AUTS2: variants seen among roughly 807,000 people sequenced by gnomAD.
AUTS2 encodes autism susceptibility gene 2 protein.
In AUTS2, 17 loss-of-function variants were observed where a neutral mutation model predicts 112.4. That is an observed-to-expected ratio of 0.15 (90% CI 0.10 to 0.23). The LOEUF (loss-of-function observed/expected upper bound fraction) is 0.23, where lower values mean the gene tolerates loss of function less well. Ranked by LOEUF, AUTS2 falls within the 10% of genes least tolerant of loss-of-function variation. The pLI is 1.00. For synonymous variants in AUTS2, 751 were observed against 702.7 expected, an observed-to-expected ratio of 1.07 and a Z score of -1.09; for missense variants, 1,510 against 1,701.6, an observed-to-expected ratio of 0.89 and a Z score of 1.98.
rs1380452623 is a variant in AUTS2 at position 70,181,493 on chromosome 7, CT to C, written c.660+46933del. Among the ~76,000 whole-genome samples, 319 of 140,892 alleles carry C rather than the reference CT, an allele frequency of 2.3e-3. 1 individual carries two copies. The highest frequency in any genetic ancestry group is 6.8e-3 in the African/African-American group (262 of 38,422). The allele number at this position is 140,892 out of a possible 152,430, so 92.4% of individuals were successfully genotyped here. ...TCTGCTAAAGTTAACTTTTTTTTTT[CT>C]TTTTTTTTTTGAGATGGAGTTTTGC... On this transcript the variant is annotated intron_variant, in intron 4 of 18. Coordinates refer to ENST00000342771, the MANE Select transcript of AUTS2 (RefSeq NM_015570.4).
intron 2 of AUTS2, among the ~76,000 whole-genome samples, chr7:69,959,557 T>C (rs1373335346): frequency 6.6e-6 from 1 of 152,162 alleles, no homozygotes; most frequent in Non-Finnish European, 1.5e-5. Context: ...CGGACTTTGT[T>C]ATCACCTAGG....
At chr7:70,084,740 T>A (rs951289416) in intron 2 of AUTS2, among the ~76,000 whole-genome samples, 13 of 152,230 alleles carry the variant, frequency 8.5e-5, no homozygotes, top group African/African-American at 2.9e-4. Context: ...TTCTTGAGTG[T>A]CGAGTTCTTT....
At chr7:70,461,904 A>C (rs1334340158) in intron 5 of AUTS2, among the ~76,000 whole-genome samples, 1 of 152,140 alleles carries the variant, frequency 6.6e-6, no homozygotes, top group Non-Finnish European at 1.5e-5. Context: ...TATCTGTTTC[A>C]TTGGCCTTTC....
chr7:70,467,461 A>G (rs972519704), intron 5 of AUTS2, among the ~76,000 whole-genome samples: 1 of 152,222 alleles, frequency 6.6e-6, no homozygotes, highest in Non-Finnish European at 1.5e-5. Context: ...AGGCAGAGAA[A>G]GTAGTGTGTT....
chr7:69,993,774 T>C (rs1014791392), intron 2 of AUTS2, among the ~76,000 whole-genome samples: 26 of 151,944 alleles, frequency 1.7e-4, no homozygotes, highest in Non-Finnish European at 3.5e-4. Flanking sequence ...TCTCTCTCCC[T>C]CTCTCTCTCT....
At chr7:69,943,653 T>C (rs1796706607) in intron 2 of AUTS2, among the ~76,000 whole-genome samples, 1 of 152,224 alleles carries the variant, frequency 6.6e-6, no homozygotes, top group Non-Finnish European at 1.5e-5. Flanking sequence ...CTAACTTCAC[T>C]GAAAACATCT....
At chr7:69,980,106 TTTTG>T (rs898825841) in intron 2 of AUTS2, among the ~76,000 whole-genome samples, 13 of 152,120 alleles carry the variant, frequency 8.5e-5, no homozygotes, top group African/African-American at 2.9e-4. Flanking sequence ...TGTTTTGTGT[TTTTG>T]TTTGTTTGTT....
intron 2 of AUTS2, among the ~76,000 whole-genome samples, chr7:70,083,451 A>G (rs1803422577): frequency 6.6e-6 from 1 of 152,204 alleles, no homozygotes; most frequent in Admixed American, 6.5e-5. Context: ...CATATAGCAT[A>G]TACATTTAGT....
At chr7:70,253,967 A>G (rs1786728971) in intron 4 of AUTS2, among the ~76,000 whole-genome samples, 1 of 152,162 alleles carries the variant, frequency 6.6e-6, no homozygotes, top group Non-Finnish European at 1.5e-5. Context: ...CTTGAAGCCA[A>G]AGCTGAAGTT....
At chr7:70,573,106 C>CA (rs5884787) in intron 5 of AUTS2, among the ~76,000 whole-genome samples, 137,268 of 152,292 alleles carry the variant, frequency 0.9, 61,941 homozygotes, top group East Asian at 1. Flanking sequence ...CTGGTTTATT[C>CA]ATGGAAAACA....
chr7:69,939,457 G>A (rs2072136739), intron 2 of AUTS2, among the ~76,000 whole-genome samples: 1 of 152,110 alleles, frequency 6.6e-6, no homozygotes, highest in African/African-American at 2.4e-5. Context: ...TCTTGCTGCA[G>A]GAGCTGGGGT....
chr7:70,506,978 A>G (rs1269807229), intron 5 of AUTS2, among the ~76,000 whole-genome samples: 1 of 152,224 alleles, frequency 6.6e-6, no homozygotes, highest in Non-Finnish European at 1.5e-5. Context: ...CAGAGAGCTC[A>G]GAATCTGGGG....
chr7:70,661,790 C>T (rs996432158), intron 5 of AUTS2, among the ~76,000 whole-genome samples: 12 of 152,056 alleles, frequency 7.9e-5, no homozygotes, highest in African/African-American at 2.9e-4. Context: ...GTTGCACGAG[C>T]AGGGCCTCTG....
intron 4 of AUTS2, among the ~76,000 whole-genome samples, chr7:70,424,613 GTC>G (rs1248525154): frequency 6.6e-6 from 1 of 152,004 alleles, no homozygotes; most frequent in Non-Finnish European, 1.5e-5. Flanking sequence ...TTTGGACAGG[GTC>G]TCTCTCTGTC....
In AUTS2 at chr7:70,792,008, C is replaced by CT. The variant is rs1235647857; in HGVS notation, c.*1013dup. On this transcript the variant is annotated 3_prime_UTR_variant, in exon 19 of 19. Coordinates refer to ENST00000342771, the MANE Select transcript of AUTS2 (RefSeq NM_015570.4). Reference sequence around the variant, plus strand: ...TTTTTTAGTGTGTCCTATTTCATACCTGTACACACTTCCTCGTTTTGTAAT... The same window carrying CT: ...TTTTTTAGTGTGTCCTATTTCATACCTTGTACACACTTCCTCGTTTTGTAAT... 6.6e-6 allele frequency: 1 copy of CT among 152,650 alleles called. No homozygotes were observed. The highest frequency in any genetic ancestry group is 2.4e-5 in the African/African-American group (1 of 41,446). The allele number at this position is 152,650 out of a possible 1,614,324, so 9.5% of individuals were successfully genotyped here. A position where few individuals can be genotyped will look rare whatever the true frequency, so the allele number is the denominator to read the frequency against.
chr7:70,644,235 G>T (rs7808429), intron 5 of AUTS2, among the ~76,000 whole-genome samples: 85,098 of 151,978 alleles, frequency 0.56, 24,267 homozygotes, highest in Middle Eastern at 0.69. Flanking sequence ...AATGTGATGT[G>T]TAAGTGATAC....
chr7:70,245,144 G>GTGTGTATATATATATATATATA (rs1233136341), intron 4 of AUTS2, among the ~76,000 whole-genome samples: 1 of 108,998 alleles, frequency 9.2e-6, no homozygotes, highest in African/African-American at 4.2e-5. Flanking sequence ...GTGTGTGTGT[G>GTGTGTATATATATATATATATA]TATATATATA....
At chr7:70,421,936 G>A (rs1286789436) in intron 4 of AUTS2, among the ~76,000 whole-genome samples, 2 of 152,172 alleles carry the variant, frequency 1.3e-5, no homozygotes, top group African/African-American at 4.8e-5. Context: ...ACAATTTATA[G>A]TAATCCTACC....
intron 1 of AUTS2, among the ~76,000 whole-genome samples, chr7:69,741,954 T>G (rs1787283772): frequency 1.3e-5 from 2 of 152,038 alleles, no homozygotes; most frequent in South Asian, 4.2e-4. Flanking sequence ...AGCACCACGC[T>G]TGGCTAATTT....
Sources: allele counts gnomAD v4.1 joint callset (sites outside exome capture counted in the v4.1 genomes callset), GRCh38; gene constraint gnomAD v4.1.1; transcripts MANE v1.5; gene names NCBI Gene and HGNC (gene_info 2026-07-23, HGNC 2026-07-21).